The following CTNNA1 variants were observed in gnomAD, a reference collection of about 807,000 sequenced individuals.
CTNNA1 encodes the protein catenin alpha-1.
CTNNA1 carries 37 observed loss-of-function variants against 98.4 expected under a neutral mutation model. The observed-to-expected ratio is 0.38, with a 90% confidence interval of 0.29 to 0.49. The LOEUF is 0.49. Ranked by LOEUF, CTNNA1 falls within the 20% of genes least tolerant of loss-of-function variation. The pLI, the probability that CTNNA1 is intolerant of heterozygous loss-of-function variation, is 0.95. For missense variants in CTNNA1, 761 were observed against 1,147.2 expected, an observed-to-expected ratio of 0.66 and a Z score of 4.86; for synonymous variants, 404 against 413.2, an observed-to-expected ratio of 0.98 and a Z score of 0.27.
intron 7 of CTNNA1, among the ~76,000 whole-genome samples, chr5:138,885,437 G>A (rs1753817814): frequency 6.6e-6 from 1 of 151,880 alleles, no homozygotes; most frequent in Non-Finnish European, 1.5e-5. Flanking sequence ...GCATTTCCAG[G>A]GACACAACAA....
At chr5:138,830,793 C>CA (rs1177563126) in intron 7 of CTNNA1, among the ~76,000 whole-genome samples, 3 of 152,082 alleles carry the variant, frequency 2.0e-5, no homozygotes, top group Admixed American at 6.5e-5. Flanking sequence ...CTGGAACAGA[C>CA]AAAGTTTCTA....
intron 7 of CTNNA1, among the ~76,000 whole-genome samples, chr5:138,837,526 TCTC>T (rs1761902490): frequency 1.1e-5 from 1 of 90,760 alleles, no homozygotes; most frequent in East Asian, 4.3e-4. Flanking sequence ...CTCCCCTCCC[TCTC>T]CTCCCCCCCC....
intron 3 of CTNNA1, among the ~76,000 whole-genome samples, chr5:138,794,649 A>G (rs976290074): frequency 2.0e-5 from 3 of 152,212 alleles, no homozygotes; most frequent in Non-Finnish European, 4.4e-5. Flanking sequence ...TGTATTGCCA[A>G]TTTGCATCTA....
intron 10 of CTNNA1, among the ~76,000 whole-genome samples, chr5:138,915,349 CT>C (rs1287359358): frequency 6.6e-6 from 1 of 152,080 alleles, no homozygotes; most frequent in Non-Finnish European, 1.5e-5. Flanking sequence ...TGAACGGTAC[CT>C]GACATCATCA....
At chr5:138,765,206 A>G (rs867025882) in intron 1 of CTNNA1, among the ~76,000 whole-genome samples, 7 of 151,858 alleles carry the variant, frequency 4.6e-5, no homozygotes, top group Admixed American at 4.6e-4. Context: ...ACGCCCAGCT[A>G]ATTTTCATAT....
At chr5:138,808,776 C>T (rs888292949) in intron 3 of CTNNA1, among the ~76,000 whole-genome samples, 1 of 151,552 alleles carries the variant, frequency 6.6e-6, no homozygotes, top group African/African-American at 2.4e-5. Flanking sequence ...CTTGCTTAGC[C>T]AAAGGAGGGA....
chr5:138,905,243 T>A (rs182579253), intron 10 of CTNNA1, among the ~76,000 whole-genome samples: 1,694 of 151,806 alleles, frequency 0.011, 27 homozygotes, highest in African/African-American at 0.039. Context: ...TGAGCCGAGA[T>A]CACACCACTG....
chr5:138,784,929 T>C (rs1205459610), intron 3 of CTNNA1, among the ~76,000 whole-genome samples: 1 of 152,236 alleles, frequency 6.6e-6, no homozygotes, highest in African/African-American at 2.4e-5. Context: ...TAATCCAGTA[T>C]AACCTCATCG....
chr5:138,790,097 G>A (rs1756193318), intron 3 of CTNNA1, among the ~76,000 whole-genome samples: 1 of 152,184 alleles, frequency 6.6e-6, no homozygotes, highest in Non-Finnish European at 1.5e-5. Flanking sequence ...CCAGAGGTAG[G>A]ACCTAGAGTC....
At chr5:138,883,156 C>T (rs556565669) in intron 7 of CTNNA1, among the ~76,000 whole-genome samples, 15 of 152,260 alleles carry the variant, frequency 9.9e-5, no homozygotes, top group African/African-American at 1.7e-4. Flanking sequence ...CATGAGCCAC[C>T]GCGCCTGGCA....
rs1456171210 is a variant in CTNNA1 at position 138,777,237 on chromosome 5, C to T, written c.-2-4686C>T. 7.3e-5 allele frequency among the ~76,000 whole-genome samples: 11 copies of T among 149,726 alleles called. No homozygotes were observed. In the East Asian group the frequency reaches 8.3e-4, roughly 11 times the overall value. Reference sequence around the variant, plus strand: ...CCCAGACGGGGCGGCGGGGCAGAGGCGCTCCCCACATCTCAGACGATGGGC... The same window carrying T: ...CCCAGACGGGGCGGCGGGGCAGAGGTGCTCCCCACATCTCAGACGATGGGC... On this transcript the variant is annotated intron_variant, in intron 1 of 17. Coordinates refer to ENST00000302763, the MANE Select transcript of CTNNA1 (RefSeq NM_001903.5).
intron 3 of CTNNA1, among the ~76,000 whole-genome samples, chr5:138,808,847 T>G (rs1171277038): frequency 6.6e-6 from 1 of 151,954 alleles, no homozygotes; most frequent in Non-Finnish European, 1.5e-5. Context: ...GTATAACCAG[T>G]GGACAAGACA....
chr5:138,817,510 A>G (rs1413722911), intron 5 of CTNNA1, among the ~76,000 whole-genome samples: 1 of 152,060 alleles, frequency 6.6e-6, no homozygotes, highest in African/African-American at 2.4e-5. Flanking sequence ...TAGGTTTTCT[A>G]TGCCTTTTCT....
At chr5:138,810,807 C>T (rs1352109224) in intron 4 of CTNNA1, among the ~76,000 whole-genome samples, 3 of 152,254 alleles carry the variant, frequency 2.0e-5, no homozygotes, top group African/African-American at 7.2e-5. Context: ...CTGTTGGGTA[C>T]ACCTCCCAGA....
At chr5:138,920,326 C>T (rs1483042079) in intron 11 of CTNNA1, among the ~76,000 whole-genome samples, 1 of 152,194 alleles carries the variant, frequency 6.6e-6, no homozygotes, top group Non-Finnish European at 1.5e-5. Flanking sequence ...ATTTCCCCAT[C>T]GCTCCTGACA....
intron 8 of CTNNA1, among the ~76,000 whole-genome samples, chr5:138,887,263 C>A (rs1389686514): frequency 2.0e-5 from 3 of 152,108 alleles, no homozygotes; most frequent in African/African-American, 7.2e-5. Context: ...AACTGAGATT[C>A]TGTTGCTGAA....
chr5:138,917,709 A>G (rs2150233304), intron 10 of CTNNA1, 33 bp from the exon 11 acceptor site: 4 of 1,607,748 alleles, frequency 2.5e-6, no homozygotes, highest in Non-Finnish European at 3.4e-6. Context: ...ACTCTGAAAA[A>G]GAGTAAACAG....
intron 7 of CTNNA1, among the ~76,000 whole-genome samples, chr5:138,851,931 A>G (rs888173849): frequency 2.0e-5 from 3 of 149,704 alleles, no homozygotes; most frequent in African/African-American, 7.4e-5. Flanking sequence ...TTAGCCAGGC[A>G]TGATGGCGCG....
intron 7 of CTNNA1, among the ~76,000 whole-genome samples, chr5:138,853,992 A>G (rs964559104): frequency 6.6e-6 from 1 of 152,224 alleles, no homozygotes; most frequent in African/African-American, 2.4e-5. Flanking sequence ...ACCTGGGTGA[A>G]TGGAAGAAGA....
Sources: allele counts gnomAD v4.1 joint callset (sites outside exome capture counted in the v4.1 genomes callset), GRCh38; gene constraint gnomAD v4.1.1; transcripts MANE v1.5; gene names NCBI Gene and HGNC (gene_info 2026-07-23, HGNC 2026-07-21).